CYP26B1: variants seen among roughly 807,000 people sequenced by gnomAD.
CYP26B1 encodes cytochrome P450 family 26 subfamily B member 1.
Under a neutral mutation model 39.1 loss-of-function variants are expected in CYP26B1, and 8 were observed. The observed-to-expected ratio is 0.20, with a 90% CI of 0.12 to 0.37. CYP26B1 has a LOEUF of 0.37. Among genes scored for constraint, CYP26B1 ranks in the 10% least tolerant of loss-of-function variants. The pLI is 1.00. For missense variants in CYP26B1, 615 were observed against 707.0 expected (o/e 0.87, Z 1.48); for synonymous variants, 321 against 314.3 (o/e 1.02, Z -0.23).
At position 72,143,371 on chromosome 2, in the gene CYP26B1, C is replaced by CGG. The variant is rs575862508; in HGVS notation, c.429+616_429+617dup. ...AAACACCCACTTTCCCTTCCTCTTT[C>CGG]GGGGGGGGGTGGGTGCGCTTTGATC... is the stretch of plus-strand genomic sequence containing the variant. On this transcript the variant is annotated intron_variant, in intron 2 of 5. Coordinates refer to ENST00000001146, the MANE Select transcript of CYP26B1 (RefSeq NM_019885.4). Among the ~76,000 whole-genome samples, 498 of 143,282 alleles carry CGG rather than the reference C, an allele frequency of 3.5e-3. 2 individuals carry two copies. Among genetic ancestry groups the CGG allele is most frequent in the African/African-American group, 0.013 (456 of 35,024 alleles). The allele number at this position is 143,282 out of a possible 152,430, so 94.0% of individuals were successfully genotyped here.
At chr2:72,139,303 C>T (rs960883093) in intron 2 of CYP26B1, among the ~76,000 whole-genome samples, 4 of 152,186 alleles carry the variant, frequency 2.6e-5, no homozygotes, top group South Asian at 2.1e-4. Context: ...ACAGGGGTGA[C>T]GCCAAGGTGT....
rs983496581 is a variant in CYP26B1 at position 72,138,260 on chromosome 2, G to C, written c.430-2841C>G. 5.9e-5 allele frequency among the ~76,000 whole-genome samples: 9 copies of C among 152,182 alleles called. 1 individual carries two copies. The highest frequency in any genetic ancestry group is 3.9e-4 in the Admixed American group (6 of 15,290). On this transcript the variant is annotated intron_variant, in intron 2 of 5. Transcript: ENST00000001146. ...CTCATCCCTGGGTCTGTGCCCGGGG[G>C]GTAACAACACAGGCACTTCCCAAAG...
intron 2 of CYP26B1, among the ~76,000 whole-genome samples, chr2:72,139,445 G>C (rs1572927455): frequency 6.6e-6 from 1 of 152,208 alleles, no homozygotes; most frequent in African/African-American, 2.4e-5. Context: ...CAATCTGGGT[G>C]TGTGGGGCTG....
chr2:72,145,374 G>A (rs918178267), intron 1 of CYP26B1, among the ~76,000 whole-genome samples: 1 of 152,368 alleles, frequency 6.6e-6, no homozygotes, highest in Middle Eastern at 3.4e-3. Context: ...GGCCCGGCGC[G>A]CGACGGGGAA....
chr2:72,129,628 T>C lies in CYP26B1; in HGVS notation c.*2599A>G, dbSNP rs935154332. 9.3e-5 allele frequency: 14 copies of C among 150,936 alleles called. No individual in the cohort carries two copies. Among genetic ancestry groups the C allele is most frequent in the African/African-American group, 2.9e-4 (12 of 41,088 alleles). 9.3% of individuals were successfully genotyped at this position (150,936 alleles called of 1,614,324 possible). ...ATTATAACATTTATGAAAAAAAAGGTTTGTGTATAAAATAATATTATAGCC... is the reference window on the plus strand; with the variant it reads ...ATTATAACATTTATGAAAAAAAAGGCTTGTGTATAAAATAATATTATAGCC... On this transcript the variant is annotated 3_prime_UTR_variant, in exon 6 of 6. Coordinates refer to ENST00000001146, the MANE Select transcript of CYP26B1 (RefSeq NM_019885.4).
chr2:72,142,700 AGG>A (rs1304691000), intron 2 of CYP26B1, among the ~76,000 whole-genome samples: 3 of 152,152 alleles, frequency 2.0e-5, no homozygotes, highest in African/African-American at 7.2e-5. Flanking sequence ...TGAAAAGCCG[AGG>A]CTTCATTCTG....
At chr2:72,145,914 C>G (rs1212674669) in intron 1 of CYP26B1, among the ~76,000 whole-genome samples, 1 of 152,176 alleles carries the variant, frequency 6.6e-6, no homozygotes. Flanking sequence ...ACGGAGAGCC[C>G]TTGGAGGTCC....
rs185310370 is a variant in CYP26B1, at chr2:72,143,378, G to A, written c.429+611C>T. Among the ~76,000 whole-genome samples the A allele has an allele frequency of 7.0e-3, 1,059 of 152,066 alleles. 23 individuals are homozygous for A. Among genetic ancestry groups the A allele is most frequent in the African/African-American group, 0.023 (956 of 41,372 alleles). On this transcript the variant is annotated intron_variant, in intron 2 of 5. Coordinates refer to ENST00000001146, the MANE Select transcript of CYP26B1 (RefSeq NM_019885.4). ...CACTTTCCCTTCCTCTTTCGGGGGG[G>A]GGTGGGTGCGCTTTGATCCCCGCTC... is the stretch of plus-strand genomic sequence containing the variant.
In CYP26B1 at chr2:72,133,137, G is replaced by A. The variant is rs748366600; in HGVS notation, c.1032C>T (p.Arg344=). Residue 344 remains arginine (R), a synonymous_variant, in exon 5 of 6, where the codon CGC becomes CGT. Transcript: ENST00000001146. ...SGGCPCEGTL[R]LDTLSGLRYL... is the part of the protein sequence containing the mutation. ...AGCGCAGCCCACTGAGCGTGTCCAG[G>A]CGCAGTGTGCCCTCGCAGGGGCAGC... is the stretch of plus-strand genomic sequence containing the variant. 2 of 1,612,842 alleles carry A rather than the reference G, an allele frequency of 1.2e-6. No homozygotes were observed. The highest frequency in any genetic ancestry group is 1.7e-6 in the Non-Finnish European group (2 of 1,179,820).
chr2:72,138,807 A>G (rs1221779687), intron 2 of CYP26B1, among the ~76,000 whole-genome samples: 2 of 152,168 alleles, frequency 1.3e-5, no homozygotes, highest in Non-Finnish European at 2.9e-5. Context: ...CAAGCCCCCA[A>G]GGACACAATA....
intron 2 of CYP26B1, among the ~76,000 whole-genome samples, chr2:72,136,071 C>CT (rs35162917): frequency 8.5e-6 from 1 of 117,452 alleles, no homozygotes; most frequent in Admixed American, 9.4e-5. Flanking sequence ...TCCCGGCTGG[C>CT]TGCGCAGCCC....
chr2:72,136,529 C>T (rs991781828), intron 2 of CYP26B1, among the ~76,000 whole-genome samples: 2 of 152,202 alleles, frequency 1.3e-5, no homozygotes, highest in South Asian at 2.1e-4. Flanking sequence ...ACTTTCATTC[C>T]GAAATTCCCG....
intron 2 of CYP26B1, among the ~76,000 whole-genome samples, chr2:72,137,685 TG>T (rs1676818167): frequency 6.6e-6 from 1 of 152,126 alleles, no homozygotes; most frequent in Non-Finnish European, 1.5e-5. Flanking sequence ...TCCCAGGCCT[TG>T]GGGGCCCTAG....
intron 3 of CYP26B1, 86 bp downstream of exon 3, chr2:72,135,058 T>C: frequency 6.2e-7 from 1 of 1,604,356 alleles, no homozygotes; most frequent in Non-Finnish European, 8.5e-7. Context: ...TAGGTGCCCA[T>C]CTCAGGGGTC....
chr2:72,146,512 G>T (rs1002608058), intron 1 of CYP26B1, among the ~76,000 whole-genome samples: 2 of 152,212 alleles, frequency 1.3e-5, no homozygotes, highest in African/African-American at 4.8e-5. Flanking sequence ...GCTGTCACTC[G>T]TCCCGGGGCA....
Position 72,129,641 on chromosome 2 carries a change from T to C in CYP26B1, c.*2586A>G, listed in dbSNP as rs1173142067. 6.6e-6 allele frequency: 1 copy of C among 152,260 alleles called. No homozygotes were observed. Among genetic ancestry groups the C allele is most frequent in the African/African-American group, 2.4e-5 (1 of 41,326 alleles). 9.4% of individuals were successfully genotyped at this position (152,260 alleles called of 1,614,324 possible). A position where few individuals can be genotyped will look rare whatever the true frequency, so the allele number is the denominator to read the frequency against. The stretch of plus-strand genomic sequence containing the variant: ...TGAAAAAAAAGGTTTGTGTATAAAA[T>C]AATATTATAGCCATCTGGGCAGGGT... On this transcript the variant is annotated 3_prime_UTR_variant, in exon 6 of 6. Coordinates refer to ENST00000001146, the MANE Select transcript of CYP26B1 (RefSeq NM_019885.4).
intron 1 of CYP26B1, among the ~76,000 whole-genome samples, chr2:72,146,300 C>G (rs965547839): frequency 7.2e-6 from 1 of 138,438 alleles, no homozygotes; most frequent in African/African-American, 2.7e-5. Flanking sequence ...CCTAGAGCAC[C>G]GCTGCAGTTG....
In CYP26B1 at chr2:72,141,995, C is replaced by A. The variant is rs542040495; in HGVS notation, c.429+1994G>T. Among the ~76,000 whole-genome samples the A allele has an allele frequency of 9.3e-3, 1,421 of 152,258 alleles. 20 individuals are homozygous for A. The highest frequency in any genetic ancestry group is 0.012 in the Non-Finnish European group (836 of 68,004). On this transcript the variant is annotated intron_variant, in intron 2 of 5. Transcript: ENST00000001146. ...CAGCTTCTGGTGACTCCCCACCCAC[C>A]CCCAGGGAGCTAAAAGACCGGCTGT...
chr2:72,135,449 C>G (rs189825654), intron 2 of CYP26B1, 30 bp from the exon 3 acceptor site: 2 of 1,603,038 alleles, frequency 1.2e-6, no homozygotes, highest in East Asian at 2.2e-5. Context: ...GTGGGTGAGC[C>G]GATTGGCACA....
Sources: allele counts gnomAD v4.1 joint callset (sites outside exome capture counted in the v4.1 genomes callset), GRCh38; gene constraint gnomAD v4.1.1; transcripts MANE v1.5; gene names NCBI Gene and HGNC (gene_info 2026-07-23, HGNC 2026-07-21).